Variants in SYT1 observed in about 807,000 individuals in gnomAD.
SYT1 encodes the protein synaptotagmin-1.
Under a neutral mutation model 44.8 loss-of-function variants are expected in SYT1, and 8 were observed. That is an observed-to-expected ratio of 0.18 (90% CI 0.10 to 0.32). The LOEUF (loss-of-function observed/expected upper bound fraction) is 0.32, where lower values mean the gene tolerates loss of function less well. SYT1 is among the 10% of genes least tolerant of loss of function. The pLI, the probability that SYT1 is intolerant of heterozygous loss-of-function variation, is 1.00. For synonymous variants in SYT1, 154 were observed against 188.8 expected (o/e 0.82, Z 1.51); for missense variants, 286 against 509.3 (o/e 0.56, Z 4.22).
In SYT1 at chr12:79,039,763, C is replaced by G. The variant is rs181926004; in HGVS notation, c.-83-7534C>G. On this transcript the variant is annotated intron_variant, in intron 2 of 10. Coordinates refer to ENST00000261205, the MANE Select transcript of SYT1 (RefSeq NM_005639.3). The stretch of plus-strand genomic sequence containing the variant: ...CATTAGGTATATCTCCCAATGCTAT[C>G]CCTTCCCCCTCCCCCCACCCAACAA... Among the ~76,000 whole-genome samples the G allele has an allele frequency of 2.7e-3, 363 of 134,638 alleles. 1 individual carries two copies. Among genetic ancestry groups the G allele is most frequent in the African/African-American group, 9.3e-3 (347 of 37,242 alleles). 88.3% of individuals were successfully genotyped at this position (134,638 alleles called of 152,430 possible).
intron 2 of SYT1, among the ~76,000 whole-genome samples, chr12:79,016,514 A>T (rs1304721890): frequency 6.6e-6 from 1 of 152,158 alleles, no homozygotes; most frequent in Non-Finnish European, 1.5e-5. Context: ...CATAGAGGTT[A>T]GTTTTTCAGA....
At chr12:79,021,873 A>T in intron 2 of SYT1, among the ~76,000 whole-genome samples, 1 of 151,854 alleles carries the variant, frequency 6.6e-6, no homozygotes, top group East Asian at 1.9e-4. Flanking sequence ...TGCCAAAATA[A>T]AATTATTTTT....
At chr12:79,355,755 C>T (rs758390405) in intron 9 of SYT1, among the ~76,000 whole-genome samples, 33 of 152,160 alleles carry the variant, frequency 2.2e-4, no homozygotes, top group Admixed American at 5.2e-4. Context: ...TAGCCAATTC[C>T]TACCCATTCT....
At chr12:79,188,353 T>C (rs1592836341) in intron 3 of SYT1, among the ~76,000 whole-genome samples, 2 of 152,142 alleles carry the variant, frequency 1.3e-5, no homozygotes, top group South Asian at 4.1e-4. Flanking sequence ...AGATTTTTGA[T>C]TGGATTTTAG....
At chr12:79,368,895 T>C (rs1033198599) in intron 9 of SYT1, among the ~76,000 whole-genome samples, 1 of 152,250 alleles carries the variant, frequency 6.6e-6, no homozygotes, top group African/African-American at 2.4e-5. Context: ...AGAAGCTCTT[T>C]AGTTTAATTA....
chr12:78,956,837 T>C (rs1417404921), intron 1 of SYT1, among the ~76,000 whole-genome samples: 2 of 152,148 alleles, frequency 1.3e-5, no homozygotes, highest in Non-Finnish European at 2.9e-5. Context: ...TTAAATGTAC[T>C]CTAGAGCAGT....
intron 1 of SYT1, among the ~76,000 whole-genome samples, chr12:78,886,522 A>G (rs1448665341): frequency 6.6e-6 from 1 of 152,016 alleles, no homozygotes; most frequent in Non-Finnish European, 1.5e-5. Context: ...CTTATTATAG[A>G]CAAATACATA....
intron 3 of SYT1, among the ~76,000 whole-genome samples, chr12:79,086,672 C>T (rs1247287190): frequency 6.6e-6 from 1 of 152,140 alleles, no homozygotes; most frequent in Non-Finnish European, 1.5e-5. Flanking sequence ...CGTGACTTTG[C>T]ACAAGTTAGC....
chr12:78,943,175 A>T (rs1023396798), intron 1 of SYT1, among the ~76,000 whole-genome samples: 2 of 152,004 alleles, frequency 1.3e-5, no homozygotes, highest in Non-Finnish European at 2.9e-5. Flanking sequence ...CTTTTATCCC[A>T]TCTGTGGTTG....
chr12:78,872,620 T>G (rs1479324372), intron 1 of SYT1, among the ~76,000 whole-genome samples: 1 of 151,800 alleles, frequency 6.6e-6, no homozygotes, highest in East Asian at 1.9e-4. Flanking sequence ...TCTTCCTTCT[T>G]TTCTTCATTC....
intron 2 of SYT1, among the ~76,000 whole-genome samples, chr12:79,041,565 T>C (rs1196065009): frequency 1.3e-5 from 2 of 152,226 alleles, no homozygotes; most frequent in Non-Finnish European, 2.9e-5. Flanking sequence ...TCATGTCGTC[T>C]GCAAACAGGG....
intron 2 of SYT1, among the ~76,000 whole-genome samples, chr12:79,017,173 A>G (rs1262533785): frequency 6.6e-6 from 1 of 152,190 alleles, no homozygotes; most frequent in Non-Finnish European, 1.5e-5. Flanking sequence ...TATGATAGGT[A>G]GATATTCACT....
chr12:79,330,758 G>A (rs763853640), intron 8 of SYT1, among the ~76,000 whole-genome samples: 4 of 152,072 alleles, frequency 2.6e-5, no homozygotes, highest in African/African-American at 7.2e-5. Flanking sequence ...TCCACAGAAC[G>A]GTCCTTTCAC....
chr12:79,237,282 G>A (rs150574349), intron 4 of SYT1, among the ~76,000 whole-genome samples: 2 of 152,330 alleles, frequency 1.3e-5, no homozygotes, highest in African/African-American at 4.8e-5. Context: ...ATACGAGAAA[G>A]AGTTGGGCAT....
chr12:79,286,036 ATGC>A, intron 5 of SYT1, 65 bp downstream of exon 5: 1 of 1,504,120 alleles, frequency 6.6e-7, no homozygotes, highest in Non-Finnish European at 8.9e-7. Context: ...GTATTATTTT[ATGC>A]CATATAATTA....
intron 3 of SYT1, among the ~76,000 whole-genome samples, chr12:79,192,959 C>T (rs1435305408): frequency 1.3e-5 from 2 of 152,108 alleles, no homozygotes; most frequent in Non-Finnish European, 2.9e-5. Context: ...TGTGGACTCA[C>T]AAACTGGCTA....
chr12:78,971,068 G>A (rs1691480367), intron 1 of SYT1, among the ~76,000 whole-genome samples: 1 of 152,170 alleles, frequency 6.6e-6, no homozygotes, highest in Non-Finnish European at 1.5e-5. Context: ...GGAGGCTGAG[G>A]CAGGAGAATT....
At chr12:78,887,815 C>A (rs138215211) in intron 1 of SYT1, among the ~76,000 whole-genome samples, 1 of 151,710 alleles carries the variant, frequency 6.6e-6, no homozygotes, top group African/African-American at 2.4e-5. Context: ...AATATCTAGC[C>A]CTTTCTTTAG....
At chr12:79,132,228 A>T (rs1868870789) in intron 3 of SYT1, among the ~76,000 whole-genome samples, 1 of 152,192 alleles carries the variant, frequency 6.6e-6, no homozygotes, top group Admixed American at 6.5e-5. Flanking sequence ...AGGTGGGTGG[A>T]TCACGAGGTC....
Sources: gnomAD v4.1 joint callset for allele counts (sites outside exome capture counted in the v4.1 genomes callset) on GRCh38, gnomAD v4.1.1 for gene constraint, MANE v1.5 for transcripts, NCBI Gene and HGNC (gene_info 2026-07-23, HGNC 2026-07-21) for gene names.